Variants in GLRA1 observed in about 807,000 individuals in gnomAD.
GLRA1 encodes the protein glycine receptor subunit alpha-1.
Under a neutral mutation model 48.3 loss-of-function variants are expected in GLRA1, and 37 were observed. That is an observed-to-expected ratio of 0.77 (90% CI 0.59 to 1.01). The LOEUF is 1.01. Among genes scored for constraint, GLRA1 ranks in the 50% least tolerant of loss-of-function variants. The probability of loss-of-function intolerance (pLI) is 0.00; values close to 1 mark genes in which losing one functional copy is unlikely to be tolerated. For synonymous variants in GLRA1, 196 were observed against 210.7 expected, an observed-to-expected ratio of 0.93 and a Z score of 0.60; for missense variants, 427 against 571.0, an observed-to-expected ratio of 0.75 and a Z score of 2.57.
At chr5:151,917,657 TA>T in intron 1 of GLRA1, among the ~76,000 whole-genome samples, 1 of 152,356 alleles carries the variant, frequency 6.6e-6, no homozygotes, top group Non-Finnish European at 1.5e-5. Context: ...TCTGTCCTCT[TA>T]ACAAATGTTT....
intron 8 of GLRA1, among the ~76,000 whole-genome samples, chr5:151,823,524 T>G (rs1763195373): frequency 6.6e-6 from 1 of 152,190 alleles, no homozygotes; most frequent in African/African-American, 2.4e-5. Flanking sequence ...GGGGGATGGC[T>G]ATGGGCCAGG....
At chr5:151,835,102 A>T (rs1763539920) in intron 7 of GLRA1, among the ~76,000 whole-genome samples, 1 of 151,802 alleles carries the variant, frequency 6.6e-6, no homozygotes, top group African/African-American at 2.4e-5. Flanking sequence ...ATCACCACTG[A>T]TCCCACAGAA....
chr5:151,893,383 G>A (rs1352508610), intron 1 of GLRA1, among the ~76,000 whole-genome samples: 1 of 142,246 alleles, frequency 7.0e-6, no homozygotes, highest in Non-Finnish European at 1.5e-5. Context: ...GGATACATGT[G>A]CAGAATGTGC....
intron 1 of GLRA1, among the ~76,000 whole-genome samples, chr5:151,898,437 T>C (rs1170728818): frequency 2.6e-5 from 4 of 152,180 alleles, no homozygotes; most frequent in Non-Finnish European, 5.9e-5. Flanking sequence ...TATAAAGCTG[T>C]CAATCTGAAT....
intron 1 of GLRA1, among the ~76,000 whole-genome samples, chr5:151,914,543 C>G (rs60475930): frequency 6.6e-6 from 1 of 152,042 alleles, no homozygotes. Flanking sequence ...TATAAGGGAC[C>G]AAGACTTTTA....
chr5:151,839,322 G>T (rs1184880929), intron 7 of GLRA1, among the ~76,000 whole-genome samples: 1 of 151,942 alleles, frequency 6.6e-6, no homozygotes, highest in Non-Finnish European at 1.5e-5. Flanking sequence ...ATTAGTAAAG[G>T]TAACTGCATA....
At chr5:151,922,163 G>A (rs558612989) in intron 1 of GLRA1, among the ~76,000 whole-genome samples, 12 of 152,318 alleles carry the variant, frequency 7.9e-5, no homozygotes, top group African/African-American at 2.9e-4. Flanking sequence ...TGACTGAGAT[G>A]ATTGGATTGG....
chr5:151,924,258 C>T (rs1754950441), intron 1 of GLRA1, among the ~76,000 whole-genome samples: 1 of 150,302 alleles, frequency 6.7e-6, no homozygotes, highest in Admixed American at 6.7e-5. Context: ...CAAACAGCTG[C>T]CAGAACAGCG....
intron 3 of GLRA1, among the ~76,000 whole-genome samples, chr5:151,867,565 C>T (rs544102893): frequency 6.6e-6 from 1 of 152,206 alleles, no homozygotes; most frequent in Admixed American, 6.5e-5. Context: ...TTATTGAGGC[C>T]CTACTATACA....
Position 151,843,897 on chromosome 5 carries a change from C to T in GLRA1, c.912+7493G>A, listed in dbSNP as rs571907127. Among the ~76,000 whole-genome samples, 12 of 152,230 alleles carry T rather than the reference C, an allele frequency of 7.9e-5. No homozygotes were observed. The South Asian group carries it at 2.1e-3, about 26-fold the overall frequency. ...TGAAAGAATGAAGTTGGGCTGGGCA[C>T]GGTGGCTCACACCTGTAATCCTAGC... On this transcript the variant is annotated intron_variant, in intron 7 of 8. Transcript: ENST00000274576.
intron 3 of GLRA1, among the ~76,000 whole-genome samples, chr5:151,863,590 C>T (rs971207976): frequency 3.3e-5 from 5 of 152,042 alleles, no homozygotes; most frequent in Non-Finnish European, 7.4e-5. Flanking sequence ...GTCTATAGTT[C>T]CCCAAATGAT....
At chr5:151,879,833 G>A (rs1753718728) in intron 3 of GLRA1, among the ~76,000 whole-genome samples, 2 of 152,300 alleles carry the variant, frequency 1.3e-5, no homozygotes, top group South Asian at 4.1e-4. Context: ...GCCAGGAGCG[G>A]AATGATATGA....
chr5:151,888,613 A>G (rs1340246405), intron 2 of GLRA1, among the ~76,000 whole-genome samples: 5 of 152,198 alleles, frequency 3.3e-5, no homozygotes, highest in African/African-American at 7.2e-5. Context: ...CTGCAGAAGA[A>G]TCATCTGGGA....
Position 151,916,984 on chromosome 5 carries a change from C to T in GLRA1, c.56+7510G>A, listed in dbSNP as rs139279671. On this transcript the variant is annotated intron_variant, in intron 1 of 8. Transcript: ENST00000274576. ...TGGGAGGATTGAAGGAAAGAAAGTGCGGTGGCAAAGTTAGGGTGTATGGAC... is the reference window on the plus strand; with the variant it reads ...TGGGAGGATTGAAGGAAAGAAAGTGTGGTGGCAAAGTTAGGGTGTATGGAC... 9.6e-3 allele frequency among the ~76,000 whole-genome samples: 1,464 copies of T among 152,126 alleles called. 24 individuals carry two copies. Among genetic ancestry groups the T allele is most frequent in the African/African-American group, 0.034 (1,392 of 41,478 alleles).
At chr5:151,853,144 G>A (rs1248630952) in intron 6 of GLRA1, among the ~76,000 whole-genome samples, 1 of 152,216 alleles carries the variant, frequency 6.6e-6, no homozygotes, top group Non-Finnish European at 1.5e-5. Context: ...AGTTGTGCAA[G>A]ATGAATAAGT....
chr5:151,904,428 T>C (rs987159376), intron 1 of GLRA1, among the ~76,000 whole-genome samples: 1 of 152,224 alleles, frequency 6.6e-6, no homozygotes, highest in African/African-American at 2.4e-5. Context: ...GATTTCTATC[T>C]GTTGCAATTC....
At chr5:151,833,301 A>G (rs1439412192) in intron 7 of GLRA1, among the ~76,000 whole-genome samples, 1 of 152,204 alleles carries the variant, frequency 6.6e-6, no homozygotes, top group Non-Finnish European at 1.5e-5. Flanking sequence ...ACATAACAAT[A>G]TTAATCTTAA....
chr5:151,919,820 G>A (rs571563571), intron 1 of GLRA1, among the ~76,000 whole-genome samples: 10 of 152,318 alleles, frequency 6.6e-5, no homozygotes, highest in Non-Finnish European at 1.5e-4. Flanking sequence ...TGTTTAATGC[G>A]AACCTGCAGA....
chr5:151,915,367 C>A (rs930194671), intron 1 of GLRA1, among the ~76,000 whole-genome samples: 9 of 152,290 alleles, frequency 5.9e-5, no homozygotes, highest in East Asian at 1.9e-4. Context: ...TGTACCCCAG[C>A]AGTTTCATTC....
Sources: gnomAD v4.1 joint callset for allele counts (sites outside exome capture counted in the v4.1 genomes callset) on GRCh38, gnomAD v4.1.1 for gene constraint, MANE v1.5 for transcripts, NCBI Gene and HGNC (gene_info 2026-07-23, HGNC 2026-07-21) for gene names.